The following MAP3K5 variants were observed in gnomAD, a reference collection of about 807,000 sequenced individuals.
The protein encoded by MAP3K5 is ASK-1.
In MAP3K5, 56 loss-of-function variants were observed where a neutral mutation model predicts 158.7. The ratio of observed to expected loss-of-function variants is 0.35; its 90% CI spans 0.28 to 0.44. MAP3K5 has a LOEUF of 0.44. Ranked by LOEUF, MAP3K5 falls within the 20% of genes least tolerant of loss-of-function variation. The pLI is 1.00. For synonymous variants in MAP3K5, 579 were observed against 601.7 expected, an observed-to-expected ratio of 0.96 and a Z score of 0.55; for missense variants, 1,294 against 1,674.8, an observed-to-expected ratio of 0.77 and a Z score of 3.97.
intron 18 of MAP3K5, 80 bp from the exon 19 acceptor site, chr6:136,605,446 T>C: frequency 8.1e-7 from 1 of 1,241,470 alleles, no homozygotes; most frequent in Admixed American, 2.6e-5. Flanking sequence ...AACAGAATTT[T>C]TCAACAGAAA....
chr6:136,563,891 A>C (rs761469580), intron 26 of MAP3K5, among the ~76,000 whole-genome samples: 4 of 152,190 alleles, frequency 2.6e-5, no homozygotes, highest in Non-Finnish European at 5.9e-5. Flanking sequence ...CTGAGTATTG[A>C]TAGATTTAAC....
At chr6:136,731,127 G>A (rs1411366528) in intron 1 of MAP3K5, among the ~76,000 whole-genome samples, 2 of 152,154 alleles carry the variant, frequency 1.3e-5, no homozygotes, top group African/African-American at 4.8e-5. Flanking sequence ...TGGAGAGGAT[G>A]GGCCATGGCT....
Position 136,769,738 on chromosome 6 carries a change from GGGAAGGAA to G in MAP3K5, c.448+21964_448+21971del, listed in dbSNP as rs1209835950. The stretch of plus-strand genomic sequence containing the variant: ...AATGTGCACTGAAGGAAGGGAGGAA[GGGAAGGAA>G]GGAAGGAAGGAAGGAAGGAAGGAAG... On this transcript the variant is annotated intron_variant, in intron 1 of 29. Coordinates refer to ENST00000359015, the MANE Select transcript of MAP3K5 (RefSeq NM_005923.4). Among the ~76,000 whole-genome samples the G allele has an allele frequency of 3.7e-3, 194 of 52,300 alleles. 7 individuals carry two copies. The highest frequency in any genetic ancestry group is 8.2e-3 in the Middle Eastern group (1 of 122). 34.3% of individuals were successfully genotyped at this position (52,300 alleles called of 152,430 possible). A position where few individuals can be genotyped will look rare whatever the true frequency, so the allele number is the denominator to read the frequency against.
intron 23 of MAP3K5, among the ~76,000 whole-genome samples, chr6:136,588,707 G>T (rs978799206): frequency 7.9e-5 from 12 of 152,156 alleles, no homozygotes; most frequent in African/African-American, 2.4e-4. Flanking sequence ...TCCTCTTCTT[G>T]GGTCAACCCA....
At chr6:136,572,372 C>T (rs574125371) in intron 25 of MAP3K5, among the ~76,000 whole-genome samples, 1 of 152,214 alleles carries the variant, frequency 6.6e-6, no homozygotes, top group African/African-American at 2.4e-5. Flanking sequence ...GATTCTCCTG[C>T]CTCAGCCTTC....
intron 1 of MAP3K5, among the ~76,000 whole-genome samples, chr6:136,760,659 T>C (rs1360697535): frequency 6.6e-6 from 1 of 152,214 alleles, no homozygotes; most frequent in Non-Finnish European, 1.5e-5. Context: ...CCCTCATGAA[T>C]GGGATTAGTG....
At chr6:136,639,148 G>A (rs1211231023) in intron 13 of MAP3K5, among the ~76,000 whole-genome samples, 1 of 151,964 alleles carries the variant, frequency 6.6e-6, no homozygotes, top group East Asian at 1.9e-4. Context: ...CCTACCAGGT[G>A]GATCTAACTA....
At chr6:136,700,452 AGAG>A (rs1318118472) in intron 3 of MAP3K5, among the ~76,000 whole-genome samples, 1 of 152,244 alleles carries the variant, frequency 6.6e-6, no homozygotes, top group African/African-American at 2.4e-5. Flanking sequence ...CTACCTATAC[AGAG>A]TGGTATCATT....
chr6:136,623,269 T>C (rs1393831526), intron 14 of MAP3K5, among the ~76,000 whole-genome samples: 1 of 152,218 alleles, frequency 6.6e-6, no homozygotes, highest in Non-Finnish European at 1.5e-5. Context: ...TCAGTCCTGT[T>C]TTTCATTGAT....
At chr6:136,683,765 C>G (rs1780031971) in intron 7 of MAP3K5, among the ~76,000 whole-genome samples, 1 of 152,052 alleles carries the variant, frequency 6.6e-6, no homozygotes, top group African/African-American at 2.4e-5. Flanking sequence ...TTCAACAAAA[C>G]TGAAATCTAG....
intron 1 of MAP3K5, among the ~76,000 whole-genome samples, chr6:136,762,593 GT>G (rs967830369): frequency 1.3e-5 from 2 of 152,194 alleles, no homozygotes; most frequent in African/African-American, 4.8e-5. Flanking sequence ...TCCTAGTTGA[GT>G]TTCTAAAGCC....
intron 1 of MAP3K5, among the ~76,000 whole-genome samples, chr6:136,772,997 G>A (rs1260176921): frequency 6.6e-6 from 1 of 152,142 alleles, no homozygotes; most frequent in Non-Finnish European, 1.5e-5. Flanking sequence ...AGCTGTATCA[G>A]TGTGAATTCA....
Position 136,673,453 on chromosome 6 carries a change from T to C in MAP3K5, c.1254-4058A>G, listed in dbSNP as rs115792984. On this transcript the variant is annotated intron_variant, in intron 7 of 29. Transcript: ENST00000359015. Reference sequence around the variant, plus strand: ...CAGATAATTCGGATGCTGGAGTTTATAGACAAGGACTTTAAGATAATTATG... The same window carrying C: ...CAGATAATTCGGATGCTGGAGTTTACAGACAAGGACTTTAAGATAATTATG... 6.6e-3 allele frequency among the ~76,000 whole-genome samples: 1,002 copies of C among 152,216 alleles called. 11 individuals carry two copies. Among genetic ancestry groups the C allele is most frequent in the African/African-American group, 0.023 (947 of 41,548 alleles).
intron 14 of MAP3K5, among the ~76,000 whole-genome samples, chr6:136,634,711 C>T (rs557639256): frequency 6.6e-6 from 1 of 151,804 alleles, no homozygotes; most frequent in East Asian, 1.9e-4. Flanking sequence ...TCCTGAGTAG[C>T]TGGGACTACA....
Position 136,609,911 on chromosome 6 carries a change from T to C in MAP3K5, c.2521+1371A>G, listed in dbSNP as rs770522527. Among the ~76,000 whole-genome samples the C allele has an allele frequency of 6.7e-6, 1 of 150,178 alleles. No individual in the cohort carries two copies. Among genetic ancestry groups the C allele is most frequent in the Non-Finnish European group, 1.5e-5 (1 of 67,586 alleles). ...GAGTTCAAGACCAGCCTGGGCAACA[T>C]AGCAAGACCCAGTCTCAAAACAAAA... On this transcript the variant is annotated intron_variant, in intron 18 of 29. Coordinates refer to ENST00000359015, the MANE Select transcript of MAP3K5 (RefSeq NM_005923.4). This position sits in a 1 kb window ranked among gnomAD's most constrained non-coding sequence, Gnocchi z 4.4.
chr6:136,777,322 C>A (rs1784437688), intron 1 of MAP3K5, among the ~76,000 whole-genome samples: 1 of 152,200 alleles, frequency 6.6e-6, no homozygotes, highest in African/African-American at 2.4e-5. Flanking sequence ...ACAGTAAACA[C>A]TGGGTCACTG....
chr6:136,557,627 T>A lies in MAP3K5; in HGVS notation c.*131A>T. The A allele has an allele frequency of 3.5e-6, 2 of 574,786 alleles. No individual in the cohort carries two copies. Among genetic ancestry groups the A allele is most frequent in the Non-Finnish European group, 6.1e-6 (2 of 325,680 alleles). The allele number at this position is 574,786 out of a possible 1,614,324, so 35.6% of individuals were successfully genotyped here. A position where few individuals can be genotyped will look rare whatever the true frequency, so the allele number is the denominator to read the frequency against. On this transcript the variant is annotated 3_prime_UTR_variant, in exon 30 of 30. Coordinates refer to ENST00000359015, the MANE Select transcript of MAP3K5 (RefSeq NM_005923.4). ...GTGTTTTGTCTGTTTTTTTTTTTTT[T>A]AACATGAGTAAACAAATACTGGATT... is the stretch of plus-strand genomic sequence containing the variant.
rs80148180 is a variant in MAP3K5 at position 136,656,779 on chromosome 6, G to A, written c.1527-319C>T. ...TGGGATCACAGGCATGCACCACCAC[G>A]CCTGGCTACGTTTTGCAATTTTAGT... is the stretch of plus-strand genomic sequence containing the variant. On this transcript the variant is annotated intron_variant, in intron 9 of 29. Coordinates refer to ENST00000359015, the MANE Select transcript of MAP3K5 (RefSeq NM_005923.4). Among the ~76,000 whole-genome samples the A allele has an allele frequency of 2.1e-3, 313 of 152,144 alleles. 8 individuals are homozygous for A. The East Asian group carries it at 0.05, about 24-fold the overall frequency.
intron 25 of MAP3K5, chr6:136,579,704 A>G (rs1164409397): frequency 2.5e-6 from 1 of 407,248 alleles, no homozygotes; most frequent in Non-Finnish European, 4.9e-6. Context: ...GACCTTGATA[A>G]TGGAGGAGGC....
Sources: allele counts gnomAD v4.1 joint callset (sites outside exome capture counted in the v4.1 genomes callset), GRCh38; gene constraint gnomAD v4.1.1; non-coding constraint Gnocchi (gnomAD v3.1); transcripts MANE v1.5; gene names NCBI Gene and HGNC (gene_info 2026-07-23, HGNC 2026-07-21).